The following KIR2DL1 variants were observed in gnomAD, a reference collection of about 807,000 sequenced individuals.
KIR2DL1 encodes the protein killer cell immunoglobulin-like receptor 2DL1.
In KIR2DL1, 38 loss-of-function variants were observed where a neutral mutation model predicts 33.9. The observed-to-expected ratio is 1.12, with a 90% CI of 0.86 to 1.47. The LOEUF (loss-of-function observed/expected upper bound fraction) is 1.47, where lower values mean the gene tolerates loss of function less well. Ranked by LOEUF, KIR2DL1 falls within the 40% of genes most tolerant of loss-of-function variation. KIR2DL1 has a pLI of 0.00. For synonymous variants in KIR2DL1, 179 were observed against 165.9 expected, an observed-to-expected ratio of 1.08 and a Z score of -0.61; for missense variants, 531 against 433.9, an observed-to-expected ratio of 1.22 and a Z score of -1.99.
chr19:54,775,295 T>C lies in KIR2DL1; in HGVS notation c.501T>C (p.His167=), dbSNP rs2076191723. 5 of 1,601,362 alleles carry C rather than the reference T, an allele frequency of 3.1e-6. No individual in the cohort carries two copies. The highest frequency in any genetic ancestry group is 1.7e-5 in the Admixed American group (1 of 59,382). ...ATCTATCCAGGGAAGGGGAGGCCCA[T>C]GAACGTAGGCTCCCTGCAGGGCCCA... ...MYHLSREGEA[H]ERRLPAGPKV... is the part of the protein sequence containing the mutation. The change falls in exon 4 of 8, where the codon CAT becomes CAC. Residue 167 remains histidine (H), a synonymous_variant. Coordinates refer to ENST00000336077, the MANE Select transcript of KIR2DL1 (RefSeq NM_014218.3).
intron 5 of KIR2DL1, 145 bp from the exon 6 acceptor site, chr19:54,782,777 C>G (rs2077152434): frequency 2.5e-6 from 2 of 809,410 alleles, no homozygotes; most frequent in Non-Finnish European, 4.2e-6. Context: ...ACAGAAAAAG[C>G]AGGAGAAAGC....
chr19:54,772,708 A>AAATT (rs752032860), intron 2 of KIR2DL1, among the ~76,000 whole-genome samples: 2 of 129,730 alleles, frequency 1.5e-5, no homozygotes, highest in East Asian at 2.1e-4. Flanking sequence ...TCTGTCGCCA[A>AAATT]AATTAATTAA....
chr19:54,781,942 C>T (rs2077005995), intron 5 of KIR2DL1, among the ~76,000 whole-genome samples: 1 of 152,068 alleles, frequency 6.6e-6, no homozygotes, highest in Non-Finnish European at 1.5e-5. Context: ...GCACCTGGGC[C>T]TATGCCAATT....
intron 5 of KIR2DL1, among the ~76,000 whole-genome samples, chr19:54,782,013 G>T (rs1454118007): frequency 1.3e-5 from 2 of 152,124 alleles, no homozygotes; most frequent in South Asian, 4.1e-4. Flanking sequence ...ACATAGGCAG[G>T]TTCATTACTA....
chr19:54,769,955 G>T (rs1417318988), intron 1 of KIR2DL1, 71 bp downstream of exon 1: 5 of 1,538,260 alleles, frequency 3.3e-6, no homozygotes, highest in East Asian at 2.3e-5. Flanking sequence ...GGAGATATAG[G>T]CCTGGAGGTG....
In KIR2DL1 at chr19:54,782,326, C is replaced by G. The variant is rs900531547; in HGVS notation, c.716-596C>G. Among the ~76,000 whole-genome samples the G allele has an allele frequency of 2.4e-3, 361 of 150,676 alleles. 2 individuals are homozygous for G. The highest frequency in any genetic ancestry group is 3.2e-3 in the Admixed American group (49 of 15,130). On this transcript the variant is annotated intron_variant, in intron 5 of 7. Transcript: ENST00000336077. ...TTGCTCTAAAGGAACACTTGAGCCT[C>G]GGTAACTTCTAAAGAAAAGAGATTG...
intron 3 of KIR2DL1, 72 bp downstream of exon 3, chr19:54,773,704 G>C: frequency 7.0e-7 from 1 of 1,432,042 alleles, no homozygotes; most frequent in Non-Finnish European, 9.6e-7. Context: ...TGGAGACCCA[G>C]GTGGCTGTAA....
At chr19:54,774,893 T>G (rs1461609212) in intron 3 of KIR2DL1, among the ~76,000 whole-genome samples, 2 of 148,116 alleles carry the variant, frequency 1.4e-5, no homozygotes, top group South Asian at 2.1e-4. Context: ...TTAAAAAAAG[T>G]AACATCAAGT....
chr19:54,779,185 G>C (rs79949004), intron 5 of KIR2DL1, among the ~76,000 whole-genome samples: 2,899 of 123,292 alleles, frequency 0.024, 8 homozygotes, highest in Middle Eastern at 0.032. Flanking sequence ...AGGCTGTGCA[G>C]TGTGGAACCT....
Position 54,784,082 on chromosome 19 carries a change from C to A in KIR2DL1, c.*269C>A, listed in dbSNP as rs2077404747. On this transcript the variant is annotated 3_prime_UTR_variant, in exon 8 of 8. Coordinates refer to ENST00000336077, the MANE Select transcript of KIR2DL1 (RefSeq NM_014218.3). ...CTTGACCCCTGCCCACCTCTCCAAC[C>A]TAACTGGCTTACTTCCTAGTCTACT... 1.7e-6 allele frequency: 1 copy of A among 590,570 alleles called. No individual in the cohort carries two copies. The highest frequency in any genetic ancestry group is 2.9e-5 in the East Asian group (1 of 34,498). The allele number at this position is 590,570 out of a possible 1,614,324, so 36.6% of individuals were successfully genotyped here.
intron 4 of KIR2DL1, among the ~76,000 whole-genome samples, chr19:54,778,140 A>G (rs1269112442): frequency 6.8e-6 from 1 of 147,908 alleles, no homozygotes; most frequent in Non-Finnish European, 1.5e-5. Context: ...CAGCACCTGT[A>G]ATACCACTAC....
intron 3 of KIR2DL1, 120 bp from the exon 4 acceptor site, chr19:54,775,045 G>A: frequency 3.9e-6 from 5 of 1,275,440 alleles, no homozygotes; most frequent in South Asian, 2.9e-5. Context: ...TGGGGTAGAG[G>A]GTGAGAGAGA....
Position 54,783,474 on chromosome 19 carries a change from C to A in KIR2DL1, c.818-12C>A. The A allele has an allele frequency of 6.2e-7, 1 of 1,612,706 alleles. No homozygotes were observed. Among genetic ancestry groups the A allele is most frequent in the Non-Finnish European group, 8.5e-7 (1 of 1,179,036 alleles). On this transcript the variant is annotated splice_polypyrimidine_tract_variant and intron_variant, in intron 6 of 7. Coordinates refer to ENST00000336077, the MANE Select transcript of KIR2DL1 (RefSeq NM_014218.3). ...CCCTCCGAGCTGTTTTGTTGACTTC[C>A]ATCTTCTACAGATGCTGCGGTAATG... is the stretch of plus-strand genomic sequence containing the variant.
chr19:54,773,946 G>A (rs1395923046), intron 3 of KIR2DL1, among the ~76,000 whole-genome samples: 13 of 146,814 alleles, frequency 8.9e-5, no homozygotes, highest in Admixed American at 2.7e-4. Context: ...CCTGGCACAG[G>A]TTAGAAGTTT....
At chr19:54,782,798 G>T (rs2916013) in intron 5 of KIR2DL1, 124 bp from the exon 6 acceptor site, 9 of 1,007,086 alleles carry the variant, frequency 8.9e-6, no homozygotes, top group African/African-American at 7.9e-5. Flanking sequence ...TGGGTCTCCT[G>T]CCATCTGGGT....
rs1332922624 is a variant in KIR2DL1, at chr19:54,784,175, C to G, written c.*362C>G. 2.3e-6 allele frequency: 1 copy of G among 441,034 alleles called. No individual in the cohort carries two copies. The highest frequency in any genetic ancestry group is 4.6e-5 in the East Asian group (1 of 21,542). 27.3% of individuals were successfully genotyped at this position (441,034 alleles called of 1,614,324 possible). On this transcript the variant is annotated 3_prime_UTR_variant, in exon 8 of 8. Coordinates refer to ENST00000336077, the MANE Select transcript of KIR2DL1 (RefSeq NM_014218.3). ...CAAGAGGCTCCCTCTTAACGCAGCA[C>G]TTAGACACGTGTTGTTCCACCTTCC... is the stretch of plus-strand genomic sequence containing the variant.
intron 2 of KIR2DL1, among the ~76,000 whole-genome samples, chr19:54,772,796 G>T (rs868597105): frequency 6.2e-5 from 9 of 144,278 alleles, no homozygotes; most frequent in Non-Finnish European, 1.4e-4. Context: ...CCACCACCAG[G>T]CTCCATCCAC....
chr19:54,775,910 G>T (rs1248882843), intron 4 of KIR2DL1, among the ~76,000 whole-genome samples: 2 of 135,184 alleles, frequency 1.5e-5, no homozygotes, highest in African/African-American at 2.7e-5. Flanking sequence ...ATTTTTTTTT[G>T]AGGTGGAGTC....
chr19:54,782,780 G>A (rs1263468488), intron 5 of KIR2DL1, 142 bp from the exon 6 acceptor site: 8 of 835,874 alleles, frequency 9.6e-6, no homozygotes, highest in Non-Finnish European at 1.0e-5. Context: ...GAAAAAGCAG[G>A]AGAAAGCTGG....
Sources: allele counts gnomAD v4.1 joint callset (sites outside exome capture counted in the v4.1 genomes callset), GRCh38; gene constraint gnomAD v4.1.1; transcripts MANE v1.5; gene names NCBI Gene and HGNC (gene_info 2026-07-23, HGNC 2026-07-21).